Variants in FAM221A observed in about 807,000 individuals in gnomAD.
FAM221A encodes the protein family with sequence similarity 221 member A.
FAM221A carries 43 observed loss-of-function variants against 37.6 expected under a neutral mutation model. The ratio of observed to expected loss-of-function variants is 1.15; its 90% CI spans 0.90 to 1.48. FAM221A has a LOEUF of 1.48. FAM221A is among the 40% of genes most tolerant of loss of function. The pLI is 0.00. For synonymous variants in FAM221A, 135 were observed against 132.9 expected, an observed-to-expected ratio of 1.02 and a Z score of -0.11; for missense variants, 361 against 361.5, an observed-to-expected ratio of 1.00 and a Z score of 0.01.
intron 4 of FAM221A, among the ~76,000 whole-genome samples, chr7:23,696,333 A>C (rs937076782): frequency 5.9e-5 from 9 of 152,230 alleles, no homozygotes; most frequent in African/African-American, 2.2e-4. Flanking sequence ...TGAGGCAGGC[A>C]GATCGCTTGA....
At chr7:23,693,764 C>T (rs555617250) in intron 4 of FAM221A, 3 of 152,110 alleles carry the variant, frequency 2.0e-5, no homozygotes, top group South Asian at 4.1e-4. Flanking sequence ...CAGTTTTTGT[C>T]TAAATTGATG....
At chr7:23,683,935 A>G (rs1784209548) in intron 1 of FAM221A, among the ~76,000 whole-genome samples, 1 of 152,218 alleles carries the variant, frequency 6.6e-6, no homozygotes, top group South Asian at 2.1e-4. Context: ...GTAAGTGTGC[A>G]TTTATCTAAA....
chr7:23,691,712 C>G, intron 4 of FAM221A, 116 bp downstream of exon 4: 1 of 902,208 alleles, frequency 1.1e-6, no homozygotes, highest in East Asian at 2.7e-5. Context: ...AAAACATTCT[C>G]TCGTTTGATT....
In FAM221A at chr7:23,684,507, G is replaced by A; in HGVS notation, c.74G>A (p.Gly25Asp). 2 of 1,598,714 alleles carry A rather than the reference G, an allele frequency of 1.3e-6. No homozygotes were observed. The highest frequency in any genetic ancestry group is 1.7e-6 in the Non-Finnish European group (2 of 1,173,142). ...ATATATTTTTGTTGTAGAATTGTTG[G>A]TGAGGATGATGGAGGGAAACTTTTT... ...DEYLEYRRIV[G>D]EDDGGKLFTP... Residue 25 changes from glycine (G) to aspartate (D), a missense_variant, in exon 2 of 7, where the codon GGT (glycine) becomes GAT (aspartate). Coordinates refer to ENST00000344962, the MANE Select transcript of FAM221A (RefSeq NM_199136.5).
At chr7:23,684,971 C>G (rs1784280174) in intron 2 of FAM221A, among the ~76,000 whole-genome samples, 2 of 151,964 alleles carry the variant, frequency 1.3e-5, no homozygotes, top group African/African-American at 2.4e-5. Context: ...AAAAATTGGC[C>G]GAGCTCAGTG....
intron 5 of FAM221A, among the ~76,000 whole-genome samples, chr7:23,699,432 A>G (rs1785264552): frequency 6.7e-6 from 1 of 149,356 alleles, no homozygotes; most frequent in South Asian, 2.2e-4. Flanking sequence ...GGCATGCTGG[A>G]TTTTAAGTCA....
intron 5 of FAM221A, 30 bp downstream of exon 5, chr7:23,698,329 G>A (rs1485006532): frequency 8.2e-7 from 1 of 1,219,514 alleles, no homozygotes; most frequent in Admixed American, 2.2e-5. Context: ...AACTGTTTTT[G>A]GATGTAGTAA....
chr7:23,689,350 G>C lies in FAM221A; in HGVS notation c.321G>C (p.Gln107His). ...TGCCCTGCCAAGTGACTGGCTGCCAGTGCAGGGCTTACCTTTATGTCCCCT... is the reference window on the plus strand; with the variant it reads ...TGCCCTGCCAAGTGACTGGCTGCCACTGCAGGGCTTACCTTTATGTCCCCT... ...IDLPCQVTGC[Q>H]CRAYLYVPLN... Residue 107 changes from glutamine to histidine, a missense_variant, in exon 3 of 7, where the codon CAG becomes CAC. Transcript: ENST00000344962. 6.2e-7 allele frequency: 1 copy of C among 1,607,376 alleles called. No homozygotes were observed. Among genetic ancestry groups the C allele is most frequent in the Non-Finnish European group, 8.5e-7 (1 of 1,174,894 alleles).
intron 1 of FAM221A, 44 bp downstream of exon 1, chr7:23,680,327 G>C (rs1783953429): frequency 2.0e-5 from 29 of 1,479,620 alleles, no homozygotes; most frequent in Non-Finnish European, 2.5e-5. Flanking sequence ...GCTCCGAGGG[G>C]CCAGGATCCC....
At chr7:23,688,224 T>C in intron 2 of FAM221A, 1 of 152,250 alleles carries the variant, frequency 6.6e-6, no homozygotes, top group African/African-American at 2.4e-5. Flanking sequence ...TTTTGTATTT[T>C]TAGTAGAGAC....
Position 23,680,199 on chromosome 7 carries a change from C to T in FAM221A, c.-20C>T. 1.3e-6 allele frequency: 2 copies of T among 1,547,512 alleles called. No individual in the cohort carries two copies. Among genetic ancestry groups the T allele is most frequent in the South Asian group, 2.4e-5 (2 of 83,926 alleles). Reference sequence around the variant, plus strand: ...GAGGTCAGCTGGTCCGCAGGGAAGCCTTTGGCTTCCCCACCGGCAATGGAG... The same window carrying T: ...GAGGTCAGCTGGTCCGCAGGGAAGCTTTTGGCTTCCCCACCGGCAATGGAG... On this transcript the variant is annotated 5_prime_UTR_variant, in exon 1 of 7. Transcript: ENST00000344962.
At chr7:23,684,449 C>A (rs982673746) in intron 1 of FAM221A, 50 bp from the exon 2 acceptor site, 1 of 1,319,200 alleles carries the variant, frequency 7.6e-7, no homozygotes, top group Non-Finnish European at 1.0e-6. Context: ...CATAGCTCAC[C>A]CAGAAAATAA....
chr7:23,680,256 C>G lies in FAM221A; in HGVS notation c.38C>G (p.Ala13Gly). 1 of 1,548,616 alleles carries G rather than the reference C, an allele frequency of 6.5e-7. No individual in the cohort carries two copies. ...RLTLPLGGAA[A>G]VDEYLEYRRI... ...ACGTTGCCTCTCGGCGGCGCGGCGGCGGTGGACGAGTACCTGGAGTACCGG... is the reference window on the plus strand; with the variant it reads ...ACGTTGCCTCTCGGCGGCGCGGCGGGGGTGGACGAGTACCTGGAGTACCGG... The change falls in exon 1 of 7, where the codon GCG (alanine) becomes GGG (glycine). Residue 13 changes from alanine (A) to glycine (G), a missense_variant. By Grantham distance (60) the Ala-to-Gly change is moderately conservative (BLOSUM62 0). Coordinates refer to ENST00000344962, the MANE Select transcript of FAM221A (RefSeq NM_199136.5).
intron 6 of FAM221A, among the ~76,000 whole-genome samples, chr7:23,701,237 TC>T (rs66466327): frequency 0.62 from 75,864 of 122,556 alleles, 24,417 homozygotes; most frequent in South Asian, 0.71. Flanking sequence ...TTTTGAATTC[TC>T]TTTTTTTTTT....
At chr7:23,692,166 A>T (rs1053504625) in intron 4 of FAM221A, 1 of 968,226 alleles carries the variant, frequency 1.0e-6, no homozygotes, top group Non-Finnish European at 1.2e-6. Context: ...AATAGGATCT[A>T]TTCTAAACTA....
intron 1 of FAM221A, among the ~76,000 whole-genome samples, chr7:23,680,500 A>G (rs1783965397): frequency 6.6e-6 from 1 of 152,144 alleles, no homozygotes; most frequent in African/African-American, 2.4e-5. Flanking sequence ...TTCCAATAAC[A>G]TTTAAGAGGC....
intron 5 of FAM221A, among the ~76,000 whole-genome samples, chr7:23,699,767 C>T (rs1785295048): frequency 6.6e-6 from 1 of 151,976 alleles, no homozygotes; most frequent in South Asian, 2.1e-4. Flanking sequence ...GTCTCGAACT[C>T]TTGAGTTCAA....
In FAM221A at chr7:23,697,438, T is replaced by G. The variant is rs965363284; in HGVS notation, c.638-754T>G. Among the ~76,000 whole-genome samples the G allele has an allele frequency of 2.6e-5, 4 of 152,342 alleles. No homozygotes were observed. The South Asian group carries it at 6.2e-4, about 24-fold the overall frequency. ...GTCAATATATTTAGCAATTAGTCTT[T>G]GTAGTTTATGGTTTGGAGTTGTGGA... is the stretch of plus-strand genomic sequence containing the variant. On this transcript the variant is annotated intron_variant, in intron 4 of 6. Transcript: ENST00000344962.
chr7:23,701,778 T>C (rs1373692045), intron 6 of FAM221A, among the ~76,000 whole-genome samples: 3 of 152,172 alleles, frequency 2.0e-5, no homozygotes, highest in Admixed American at 1.3e-4. Flanking sequence ...TTAGGTGCAT[T>C]ATGTAACTCT....
Sources: gnomAD v4.1 joint callset for allele counts (sites outside exome capture counted in the v4.1 genomes callset) on GRCh38, gnomAD v4.1.1 for gene constraint, MANE v1.5 for transcripts, NCBI Gene and HGNC (gene_info 2026-07-23, HGNC 2026-07-21) for gene names.